The following PCDHGB7 variants were observed in gnomAD, a reference collection of about 807,000 sequenced individuals.
PCDHGB7 encodes the protein protocadherin gamma subfamily B, 7, also known as protocadherin gamma-B7.
PCDHGB7 carries 37 observed loss-of-function variants against 61.4 expected under a neutral mutation model. The ratio of observed to expected loss-of-function variants is 0.60; its 90% CI spans 0.46 to 0.79. The LOEUF (loss-of-function observed/expected upper bound fraction) is 0.79, where lower values mean the gene tolerates loss of function less well. Among genes scored for constraint, PCDHGB7 ranks in the 30% least tolerant of loss-of-function variants. The probability of loss-of-function intolerance (pLI) is 0.00; values close to 1 mark genes in which losing one functional copy is unlikely to be tolerated. For synonymous variants in PCDHGB7, 464 were observed against 503.5 expected (o/e 0.92, Z 1.05); for missense variants, 1,166 against 1,202.5 (o/e 0.97, Z 0.45).
At chr5:141,455,583 A>G (rs1485134189) in intron 1 of PCDHGB7, among the ~76,000 whole-genome samples, 4 of 152,144 alleles carry the variant, frequency 2.6e-5, no homozygotes, top group Non-Finnish European at 2.9e-5. Context: ...CCAGCCTTTT[A>G]ATATGCAAAC....
chr5:141,500,444 C>T (rs1032064705), intron 2 of PCDHGB7, among the ~76,000 whole-genome samples: 3 of 151,370 alleles, frequency 2.0e-5, no homozygotes, highest in African/African-American at 4.9e-5. Context: ...CTCCTGACCT[C>T]GTGATCCGCC....
intron 1 of PCDHGB7, among the ~76,000 whole-genome samples, chr5:141,463,438 CTTTTTTTTTTTTTTTT>C (rs71576115): frequency 1.9e-5 from 2 of 103,256 alleles, no homozygotes; most frequent in African/African-American, 4.5e-5. Context: ...TTTCCTTCTC[CTTTTTTTTTTTTTTTT>C]TTTTTTTTTT....
At chr5:141,500,152 A>C (rs1301287171) in intron 2 of PCDHGB7, among the ~76,000 whole-genome samples, 1 of 151,610 alleles carries the variant, frequency 6.6e-6, no homozygotes, top group African/African-American at 2.4e-5. Flanking sequence ...TTCTTTGTGT[A>C]ATCAAAGAAC....
chr5:141,461,072 A>C (rs555905734), intron 1 of PCDHGB7, among the ~76,000 whole-genome samples: 1 of 151,688 alleles, frequency 6.6e-6, no homozygotes, highest in African/African-American at 2.4e-5. Context: ...ACATTTTTGC[A>C]ATTGTGAATT....
intron 1 of PCDHGB7, among the ~76,000 whole-genome samples, chr5:141,448,975 T>C (rs888432093): frequency 6.6e-6 from 1 of 151,970 alleles, no homozygotes; most frequent in African/African-American, 2.4e-5. Flanking sequence ...AAAAAAGAAC[T>C]TCCATATTAA....
intron 1 of PCDHGB7, chr5:141,479,339 G>GTA (rs1298553162): frequency 1.3e-5 from 2 of 152,644 alleles, no homozygotes; most frequent in East Asian, 3.8e-4. Context: ...GTGTGCACCT[G>GTA]TAGTTCTTGC....
chr5:141,491,876 A>G lies in PCDHGB7; in HGVS notation c.2416-2931A>G. ...TTGCGCGAAACCAGAGTGGCCGATT[A>G]AGGGATGGGGCTCCGAGCACCGGGG... On this transcript the variant is annotated intron_variant, in intron 1 of 3. Coordinates refer to ENST00000398594, the MANE Select transcript of PCDHGB7 (RefSeq NM_018927.4). The surrounding 1 kb of genome is among the most constrained non-coding windows in gnomAD (Gnocchi z 6.9). 2.1e-6 allele frequency: 3 copies of G among 1,450,326 alleles called. No individual in the cohort carries two copies. Among genetic ancestry groups the G allele is most frequent in the Non-Finnish European group, 1.8e-6 (2 of 1,097,472 alleles). 89.8% of individuals were successfully genotyped at this position (1,450,326 alleles called of 1,614,324 possible).
At position 141,486,813 on chromosome 5, in the gene PCDHGB7, G is replaced by A; in HGVS notation, c.2416-7994G>A. On this transcript the variant is annotated intron_variant, in intron 1 of 3. Transcript: ENST00000398594. The surrounding 1 kb of genome is among the most constrained non-coding windows in gnomAD (Gnocchi z 5.0). ...GATCGGGGCAACCCACCCCTTAGCA[G>A]CACTGTAACAGTTCGTCTATTTGTG... The A allele has an allele frequency of 6.2e-7, 1 of 1,614,212 alleles. No individual in the cohort carries two copies.
At chr5:141,478,169 G>T in intron 1 of PCDHGB7, 1 of 1,613,834 alleles carries the variant, frequency 6.2e-7, no homozygotes, top group Non-Finnish European at 8.5e-7. Flanking sequence ...TGCCCCCCGG[G>T]AGCAGAAAAA....
At chr5:141,509,872 G>A (rs968745661) in intron 3 of PCDHGB7, among the ~76,000 whole-genome samples, 1 of 152,166 alleles carries the variant, frequency 6.6e-6, no homozygotes, top group Non-Finnish European at 1.5e-5. Context: ...CCAAGCTGCT[G>A]GTGGTGATGG....
chr5:141,497,775 A>G (rs2099779384), intron 2 of PCDHGB7, among the ~76,000 whole-genome samples: 2 of 152,054 alleles, frequency 1.3e-5, no homozygotes, highest in South Asian at 4.2e-4. Context: ...CCCGACCTCA[A>G]CTGATCCACC....
intron 1 of PCDHGB7, chr5:141,475,832 T>C: frequency 2.4e-6 from 1 of 410,610 alleles, no homozygotes; most frequent in Non-Finnish European, 4.4e-6. Flanking sequence ...CTAGCGCGTG[T>C]CCTGCTCAGA....
chr5:141,447,852 G>A (rs375081279), intron 1 of PCDHGB7, among the ~76,000 whole-genome samples: 2 of 152,144 alleles, frequency 1.3e-5, no homozygotes, highest in East Asian at 3.9e-4. Context: ...TTGGGAGGCC[G>A]AGGTGGGTGA....
In PCDHGB7 at chr5:141,418,769, C is replaced by A. The variant is rs1488222030; in HGVS notation, c.910C>A (p.Gln304Lys). 1.2e-6 allele frequency: 2 copies of A among 1,613,828 alleles called. No individual in the cohort carries two copies. Among genetic ancestry groups the A allele is most frequent in the East Asian group, 4.5e-5 (2 of 44,890 alleles). The change falls in exon 1 of 4, where the codon CAG becomes AAG. Residue 304 changes from glutamine (Q) to lysine (K), a missense_variant. Physicochemically the swap from Gln to Lys is moderately conservative, Grantham distance 53. Transcript: ENST00000398594. The stretch of plus-strand genomic sequence containing the variant: ...TTACACTACAGGAAACATTCTAACT[C>A]AGCAGCCTTTGGATTTTGAAGAAGT... ...LDYTTGNILT[Q>K]QPLDFEEVER...
At chr5:141,482,530 C>CAAAAAAAAAAAA (rs3074545) in intron 1 of PCDHGB7, among the ~76,000 whole-genome samples, 11 of 76,552 alleles carry the variant, frequency 1.4e-4, no homozygotes, top group African/African-American at 2.9e-4. Flanking sequence ...GACAGACATG[C>CAAAAAAAAAAAA]AAAAAAAAAA....
chr5:141,427,192 A>G (rs1191677237), intron 1 of PCDHGB7: 2 of 456,566 alleles, frequency 4.4e-6, no homozygotes, highest in African/African-American at 4.0e-5. Flanking sequence ...AAATCCAAAG[A>G]CTTAATAGAC....
intron 1 of PCDHGB7, among the ~76,000 whole-genome samples, chr5:141,484,023 G>A (rs67828357): frequency 0.059 from 8,857 of 150,044 alleles, 313 homozygotes; most frequent in South Asian, 0.11. Context: ...GGTGGGGTGA[G>A]ATCAAGTCTC....
At chr5:141,502,406 T>G (rs1390520101) in intron 2 of PCDHGB7, among the ~76,000 whole-genome samples, 1 of 152,072 alleles carries the variant, frequency 6.6e-6, no homozygotes, top group African/African-American at 2.4e-5. Context: ...TCCCCGAACC[T>G]GGATTTGCTG....
At position 141,430,895 on chromosome 5, in the gene PCDHGB7, G is replaced by A. The variant is rs775296800; in HGVS notation, c.2415+10621G>A. 6.9e-6 allele frequency: 11 copies of A among 1,605,692 alleles called. No individual in the cohort carries two copies. The Admixed American group carries it at 1.0e-4, about 15-fold the overall frequency. ...AGAGCTGGAGAAAGGCTCTAGGGTG[G>A]GCGACATCTCCAGGGACCTGGGGCT... On this transcript the variant is annotated intron_variant, in intron 1 of 3. Coordinates refer to ENST00000398594, the MANE Select transcript of PCDHGB7 (RefSeq NM_018927.4).
Sources: allele counts gnomAD v4.1 joint callset (sites outside exome capture counted in the v4.1 genomes callset), GRCh38; gene constraint gnomAD v4.1.1; non-coding constraint Gnocchi (gnomAD v3.1); transcripts MANE v1.5; gene names NCBI Gene and HGNC (gene_info 2026-07-23, HGNC 2026-07-21).